ERBB4: variants seen among roughly 807,000 people sequenced by gnomAD.
The protein encoded by ERBB4 is erb-b2 receptor tyrosine kinase 4.
In ERBB4, 42 loss-of-function variants were observed where a neutral mutation model predicts 158.0. The ratio of observed to expected loss-of-function variants is 0.27; its 90% confidence interval spans 0.21 to 0.34. ERBB4 has a LOEUF of 0.34. Ranked by LOEUF, ERBB4 falls within the 10% of genes least tolerant of loss-of-function variation. ERBB4 has a pLI of 1.00. For synonymous variants in ERBB4, 583 were observed against 558.7 expected, an observed-to-expected ratio of 1.04 and a Z score of -0.61; for missense variants, 1,333 against 1,624.1, an observed-to-expected ratio of 0.82 and a Z score of 3.08.
chr2:211,556,147 GAAAA>G (rs1194409531), intron 20 of ERBB4, among the ~76,000 whole-genome samples: 1 of 151,992 alleles, frequency 6.6e-6, no homozygotes, highest in Non-Finnish European at 1.5e-5. Flanking sequence ...TCTAATTTCA[GAAAA>G]AATAGACTAT....
chr2:211,803,694 G>A (rs1472465689), intron 3 of ERBB4, among the ~76,000 whole-genome samples: 6 of 152,188 alleles, frequency 3.9e-5, no homozygotes, highest in Admixed American at 3.9e-4. Context: ...TGCAAAGCAC[G>A]TCTGTAGATT....
chr2:212,520,308 A>G (rs17327185), intron 1 of ERBB4, among the ~76,000 whole-genome samples: 29,278 of 151,834 alleles, frequency 0.19, 3,051 homozygotes, highest in Non-Finnish European at 0.23. Context: ...CTACATGAAA[A>G]CTTCATCCCA....
chr2:211,459,305 A>T (rs1252213980), intron 20 of ERBB4, among the ~76,000 whole-genome samples: 2 of 152,192 alleles, frequency 1.3e-5, no homozygotes, highest in African/African-American at 4.8e-5. Flanking sequence ...TTCTATGGGG[A>T]CACTTTCTCT....
intron 1 of ERBB4, among the ~76,000 whole-genome samples, chr2:212,371,980 A>G (rs1047321222): frequency 2.0e-5 from 3 of 152,218 alleles, no homozygotes; most frequent in African/African-American, 7.2e-5. Flanking sequence ...AGTATATAAA[A>G]TATTTTAAAT....
intron 12 of ERBB4, among the ~76,000 whole-genome samples, chr2:211,696,988 A>C (rs2073050327): frequency 1.3e-5 from 2 of 152,152 alleles, no homozygotes; most frequent in Admixed American, 6.5e-5. Context: ...CTTTATTTTG[A>C]GAGGAATCAC....
intron 3 of ERBB4, among the ~76,000 whole-genome samples, chr2:211,845,636 G>A (rs576491203): frequency 6.6e-6 from 1 of 152,064 alleles, no homozygotes; most frequent in Admixed American, 6.6e-5. Context: ...TTGTGAATGG[G>A]AACCTCAATC....
At chr2:212,515,743 C>T (rs1344359555) in intron 1 of ERBB4, among the ~76,000 whole-genome samples, 1 of 151,776 alleles carries the variant, frequency 6.6e-6, no homozygotes, top group Non-Finnish European at 1.5e-5. Context: ...AAATGGGTAG[C>T]AGCAAAGTAA....
intron 1 of ERBB4, among the ~76,000 whole-genome samples, chr2:212,345,637 A>G (rs2088962509): frequency 1.3e-5 from 2 of 152,232 alleles, no homozygotes; most frequent in African/African-American, 4.8e-5. Context: ...GGTAAATAAC[A>G]GGTATATAGT....
intron 13 of ERBB4, among the ~76,000 whole-genome samples, chr2:211,678,072 C>T (rs1031844369): frequency 7.2e-5 from 11 of 151,918 alleles, no homozygotes; most frequent in African/African-American, 9.7e-5. Flanking sequence ...CAGGTACTTA[C>T]TAGCTTCTAC....
intron 3 of ERBB4, among the ~76,000 whole-genome samples, chr2:211,887,239 A>G (rs1321396371): frequency 6.9e-6 from 1 of 144,040 alleles, no homozygotes; most frequent in Non-Finnish European, 1.5e-5. Flanking sequence ...CAGAGTTGAA[A>G]GATAACAGAG....
chr2:212,342,280 A>G (rs1185255637), intron 1 of ERBB4, among the ~76,000 whole-genome samples: 1 of 152,148 alleles, frequency 6.6e-6, no homozygotes, highest in Non-Finnish European at 1.5e-5. Flanking sequence ...AGCTCCCATA[A>G]TCCCCACGTG....
intron 1 of ERBB4, among the ~76,000 whole-genome samples, chr2:212,269,820 C>T (rs1474042324): frequency 6.6e-6 from 1 of 151,788 alleles, no homozygotes; most frequent in Non-Finnish European, 1.5e-5. Context: ...GATTGATACT[C>T]TACTCTTTGC....
chr2:212,102,755 C>G (rs2079120846), intron 2 of ERBB4, among the ~76,000 whole-genome samples: 1 of 152,126 alleles, frequency 6.6e-6, no homozygotes, highest in African/African-American at 2.4e-5. Flanking sequence ...CCCATCTATT[C>G]CAACTCAGTG....
At chr2:211,751,645 C>A (rs2106211711) in intron 4 of ERBB4, among the ~76,000 whole-genome samples, 1 of 152,246 alleles carries the variant, frequency 6.6e-6, no homozygotes, top group East Asian at 1.9e-4. Context: ...AAGTGTTTAA[C>A]AACGTTAACT....
Position 211,383,267 on chromosome 2 carries a change from G to A in ERBB4, c.*348C>T, listed in dbSNP as rs1334077698. On this transcript the variant is annotated 3_prime_UTR_variant, in exon 28 of 28. Coordinates refer to ENST00000342788, the MANE Select transcript of ERBB4 (RefSeq NM_005235.3). Reference sequence around the variant, plus strand: ...TAAAAAAAAAAAAAAAAAAGAAGAGGAAGAAAGAAACAAAGAAAGAAAAAG... The same window carrying A: ...TAAAAAAAAAAAAAAAAAAGAAGAGAAAGAAAGAAACAAAGAAAGAAAAAG... The A allele has an allele frequency of 7.2e-6, 2 of 279,402 alleles. No homozygotes were observed. Among genetic ancestry groups the A allele is most frequent in the East Asian group, 5.5e-5 (1 of 18,188 alleles). The allele number at this position is 279,402 out of a possible 1,614,324, so 17.3% of individuals were successfully genotyped here.
chr2:212,504,520 A>T (rs1246650041), intron 1 of ERBB4, among the ~76,000 whole-genome samples: 1 of 152,112 alleles, frequency 6.6e-6, no homozygotes, highest in African/African-American at 2.4e-5. Context: ...ATTTTCGTTA[A>T]TCTCAAAGAA....
chr2:211,423,909 C>T (rs189882420), intron 23 of ERBB4, among the ~76,000 whole-genome samples: 108 of 151,828 alleles, frequency 7.1e-4, no homozygotes, highest in African/African-American at 2.4e-3. Flanking sequence ...CCTCTCTTTA[C>T]GACAGGCAAT....
intron 20 of ERBB4, among the ~76,000 whole-genome samples, chr2:211,457,638 G>T (rs1159015225): frequency 1.3e-5 from 2 of 152,176 alleles, no homozygotes; most frequent in African/African-American, 4.8e-5. Context: ...GAGGGTCGTG[G>T]AGGAAGAACT....
intron 1 of ERBB4, among the ~76,000 whole-genome samples, chr2:212,266,013 T>G (rs62182621): frequency 0.23 from 35,359 of 151,820 alleles, 4,705 homozygotes; most frequent in African/African-American, 0.35. Flanking sequence ...CAAAAGCAAT[T>G]TTCATTTTGA....
Sources: allele counts gnomAD v4.1 joint callset (sites outside exome capture counted in the v4.1 genomes callset), GRCh38; gene constraint gnomAD v4.1.1; transcripts MANE v1.5; gene names NCBI Gene and HGNC (gene_info 2026-07-23, HGNC 2026-07-21).